The following FRMD3 variants were observed in gnomAD, a reference collection of about 807,000 sequenced individuals.
FRMD3 encodes the protein FERM domain-containing protein 3.
FRMD3 carries 33 observed loss-of-function variants against 70.2 expected under a neutral mutation model. That is an observed-to-expected ratio of 0.47 (90% CI 0.36 to 0.63). The LOEUF (loss-of-function observed/expected upper bound fraction) is 0.63. Ranked by LOEUF, FRMD3 falls within the 20% of genes least tolerant of loss-of-function variation. The pLI, the probability that FRMD3 is intolerant of heterozygous loss-of-function variation, is 0.00. For missense variants in FRMD3, 632 were observed against 711.4 expected, an observed-to-expected ratio of 0.89 and a Z score of 1.27; for synonymous variants, 279 against 255.9, an observed-to-expected ratio of 1.09 and a Z score of -0.86.
At chr9:83,500,500 GCGCACACACACACACACACA>G (rs1299489949) in intron 1 of FRMD3, among the ~76,000 whole-genome samples, 1 of 136,632 alleles carries the variant, frequency 7.3e-6, no homozygotes, top group Non-Finnish European at 1.6e-5. Context: ...GCGTGTATGC[GCGCACACACACACACACACA>G]CACACACACA....
intron 1 of FRMD3, among the ~76,000 whole-genome samples, chr9:83,503,503 C>T (rs938911380): frequency 6.6e-6 from 1 of 152,188 alleles, no homozygotes; most frequent in East Asian, 1.9e-4. Context: ...TAGATTCTGC[C>T]TCCCAGCTTT....
chr9:83,357,142 A>G (rs563730257), intron 3 of FRMD3, among the ~76,000 whole-genome samples: 1 of 142,996 alleles, frequency 7.0e-6, no homozygotes, highest in Non-Finnish European at 1.5e-5. Flanking sequence ...TATATATATT[A>G]TGTATATATA....
chr9:83,582,513 T>C, the FRMD3 span, among the ~76,000 whole-genome samples: 6 of 152,138 alleles, frequency 3.9e-5, no homozygotes, highest in African/African-American at 1.4e-4. Flanking sequence ...TAAGAAAAGG[T>C]AGTAACTCCC....
At chr9:83,511,108 T>G (rs549812580) in intron 1 of FRMD3, among the ~76,000 whole-genome samples, 1 of 152,346 alleles carries the variant, frequency 6.6e-6, no homozygotes, top group Admixed American at 6.5e-5. Context: ...GAAGAGGCAC[T>G]TGATCTCTTT....
chr9:83,342,544 A>C (rs1823796876), intron 5 of FRMD3, among the ~76,000 whole-genome samples: 1 of 152,160 alleles, frequency 6.6e-6, no homozygotes, highest in South Asian at 2.1e-4. Flanking sequence ...GAAAGATTCA[A>C]ATGGTGGTGT....
intron 1 of FRMD3, among the ~76,000 whole-genome samples, chr9:83,471,149 C>T (rs1053816213): frequency 3.9e-5 from 6 of 152,298 alleles, no homozygotes; most frequent in Non-Finnish European, 8.8e-5. Flanking sequence ...TGGACCAACA[C>T]GTACTCCCTC....
intron 1 of FRMD3, among the ~76,000 whole-genome samples, chr9:83,450,762 ACT>A (rs1427741326): frequency 6.6e-6 from 1 of 151,802 alleles, no homozygotes; most frequent in Non-Finnish European, 1.5e-5. Context: ...AAACCATTAA[ACT>A]CTCTAGAAAA....
chr9:83,415,971 C>T (rs565468710), intron 1 of FRMD3, among the ~76,000 whole-genome samples: 1 of 152,272 alleles, frequency 6.6e-6, no homozygotes, highest in Admixed American at 6.5e-5. Context: ...CTTCTTCTTG[C>T]TCCACAAACT....
chr9:83,534,672 C>T (rs1344849586), intron 1 of FRMD3, among the ~76,000 whole-genome samples: 1 of 152,198 alleles, frequency 6.6e-6, no homozygotes, highest in African/African-American at 2.4e-5. Context: ...GGGGCTACTA[C>T]TGTCTGAAAT....
intron 7 of FRMD3, among the ~76,000 whole-genome samples, chr9:83,312,727 G>A (rs971645596): frequency 3.3e-5 from 5 of 152,062 alleles, no homozygotes; most frequent in Non-Finnish European, 7.4e-5. Flanking sequence ...GGGTAGCCTG[G>A]TCGCCGCACC....
chr9:83,464,901 T>A (rs1393928457), intron 1 of FRMD3, among the ~76,000 whole-genome samples: 1 of 151,802 alleles, frequency 6.6e-6, no homozygotes, highest in Non-Finnish European at 1.5e-5. Flanking sequence ...GCACCTGTAA[T>A]CCCAGCGACT....
At chr9:83,562,933 A>G in the FRMD3 span, among the ~76,000 whole-genome samples, 2 of 151,334 alleles carry the variant, frequency 1.3e-5, no homozygotes, top group Admixed American at 1.3e-4. Context: ...ATGGTGTTCA[A>G]TAAATGTTAT....
chr9:83,404,291 A>C (rs564104902), intron 1 of FRMD3, among the ~76,000 whole-genome samples: 3 of 152,324 alleles, frequency 2.0e-5, no homozygotes, highest in African/African-American at 7.2e-5. Context: ...GAAACTAAAA[A>C]TGTAGAGGAA....
intron 13 of FRMD3, among the ~76,000 whole-genome samples, chr9:83,273,050 TGG>T (rs35642374): frequency 4.2e-5 from 6 of 144,170 alleles, no homozygotes; most frequent in East Asian, 2.1e-4. Context: ...GTCCGGGAGG[TGG>T]GGGGGGGCGC....
intron 6 of FRMD3, among the ~76,000 whole-genome samples, chr9:83,334,440 G>A (rs1345065814): frequency 1.3e-5 from 2 of 152,194 alleles, no homozygotes; most frequent in African/African-American, 2.4e-5. Context: ...GGGCGCGCCT[G>A]CATAAAGGAG....
chr9:83,302,459 G>A (rs1434871847), intron 10 of FRMD3, among the ~76,000 whole-genome samples: 1 of 152,144 alleles, frequency 6.6e-6, no homozygotes, highest in East Asian at 1.9e-4. Flanking sequence ...GCTTTGCTGA[G>A]CCTCGGTTTC....
intron 1 of FRMD3, among the ~76,000 whole-genome samples, chr9:83,451,042 T>A (rs1393569168): frequency 2.0e-5 from 3 of 152,198 alleles, no homozygotes; most frequent in Non-Finnish European, 4.4e-5. Context: ...GAACACGAGT[T>A]CCCTAAATCA....
intron 1 of FRMD3, among the ~76,000 whole-genome samples, chr9:83,401,134 T>C (rs1385082154): frequency 2.0e-5 from 3 of 152,180 alleles, no homozygotes; most frequent in South Asian, 2.1e-4. Context: ...TTCATTGGAT[T>C]TCATCCACGT....
At chr9:83,566,495 T>C in the FRMD3 span, among the ~76,000 whole-genome samples, 8 of 152,164 alleles carry the variant, frequency 5.3e-5, no homozygotes, top group African/African-American at 1.9e-4. Context: ...TCTTAACTCA[T>C]TTCAGCATTA....
Sources: gnomAD v4.1 joint callset for allele counts (sites outside exome capture counted in the v4.1 genomes callset) on GRCh38, gnomAD v4.1.1 for gene constraint, MANE v1.5 for transcripts, NCBI Gene and HGNC (gene_info 2026-07-23, HGNC 2026-07-21) for gene names.